Variants in NELL2 observed in about 807,000 individuals in gnomAD.
NELL2 encodes the protein neural EGFL like 2.
Under a neutral mutation model 109.6 loss-of-function variants are expected in NELL2, and 41 were observed. The ratio of observed to expected loss-of-function variants is 0.37; its 90% confidence interval spans 0.29 to 0.49. NELL2 has a LOEUF of 0.49. Ranked by LOEUF, NELL2 falls within the 20% of genes least tolerant of loss-of-function variation. NELL2 has a pLI of 0.98. For synonymous variants in NELL2, 355 were observed against 344.7 expected, an observed-to-expected ratio of 1.03 and a Z score of -0.33; for missense variants, 900 against 1,008.3, an observed-to-expected ratio of 0.89 and a Z score of 1.45.
Position 44,854,798 on chromosome 12 carries a change from CA to C in NELL2, c.184+20426del, listed in dbSNP as rs975753027. Among the ~76,000 whole-genome samples the C allele has an allele frequency of 5.1e-3, 731 of 143,394 alleles. 6 individuals carry two copies. The highest frequency in any genetic ancestry group is 0.017 in the African/African-American group (682 of 39,242). 94.1% of individuals were successfully genotyped at this position (143,394 alleles called of 152,430 possible). Reference sequence around the variant, plus strand: ...TGGACAGATAGAAGGATAGCTATTCCAAAAAAAAAAGTTACTTAAATGTTGG... The same window carrying C: ...TGGACAGATAGAAGGATAGCTATTCCAAAAAAAAAGTTACTTAAATGTTGG... On this transcript the variant is annotated intron_variant, in intron 2 of 19. Coordinates refer to ENST00000429094, the MANE Select transcript of NELL2 (RefSeq NM_001145108.2).
intron 15 of NELL2, among the ~76,000 whole-genome samples, chr12:44,578,614 C>T (rs1017178963): frequency 1.5e-5 from 2 of 137,090 alleles, no homozygotes; most frequent in African/African-American, 5.5e-5. Flanking sequence ...CAAATCTATA[C>T]CTTGCAAATA....
chr12:44,613,555 A>C (rs1039465211), intron 13 of NELL2, among the ~76,000 whole-genome samples: 6 of 152,140 alleles, frequency 3.9e-5, no homozygotes, highest in African/African-American at 1.4e-4. Context: ...TTCAAATATT[A>C]ATTAAGATAT....
At chr12:44,813,271 C>T (rs1190888158) in intron 3 of NELL2, among the ~76,000 whole-genome samples, 1 of 152,082 alleles carries the variant, frequency 6.6e-6, no homozygotes, top group African/African-American at 2.4e-5. Flanking sequence ...ACATGGTAAG[C>T]CTTTAATAAC....
intron 15 of NELL2, among the ~76,000 whole-genome samples, chr12:44,603,372 T>G (rs991295339): frequency 6.6e-6 from 1 of 152,182 alleles, no homozygotes; most frequent in African/African-American, 2.4e-5. Context: ...TTTAGAGTTA[T>G]GCTTTAAATC....
rs1327359017 is a variant in NELL2, at chr12:44,661,364, CTTT to C, written c.1444+4117_1444+4119del. ...GTGTACTTTCTTTCTTGCACTAAAA[CTTT>C]TTAATAAACTTCCACTCCTGCTCTG... On this transcript the variant is annotated intron_variant, in intron 13 of 19. Transcript: ENST00000429094. Among the ~76,000 whole-genome samples the C allele has an allele frequency of 7.2e-5, 11 of 152,322 alleles. No individual in the cohort carries two copies. The East Asian group carries it at 2.1e-3, about 29-fold the overall frequency.
intron 15 of NELL2, among the ~76,000 whole-genome samples, chr12:44,577,465 GTTTTTTTTTTT>G (rs746239984): frequency 8.4e-5 from 7 of 83,464 alleles, no homozygotes; most frequent in African/African-American, 4.2e-4. Context: ...CAGATGAGTA[GTTTTTTTTTTT>G]TTTTTTTTTT....
intron 15 of NELL2, among the ~76,000 whole-genome samples, chr12:44,602,831 G>A (rs1232708945): frequency 6.6e-6 from 1 of 152,038 alleles, no homozygotes; most frequent in African/African-American, 2.4e-5. Context: ...TACCTTTTAT[G>A]ATGAAAAATG....
intron 2 of NELL2, among the ~76,000 whole-genome samples, chr12:44,843,894 C>A (rs753802001): frequency 6.6e-6 from 1 of 152,070 alleles, no homozygotes. Context: ...TGGTGGCTCA[C>A]GCTTGTGGTC....
At chr12:44,644,063 C>A (rs1324767665) in intron 13 of NELL2, among the ~76,000 whole-genome samples, 2 of 152,082 alleles carry the variant, frequency 1.3e-5, no homozygotes, top group Non-Finnish European at 2.9e-5. Context: ...CTCAAACTTA[C>A]AGTTACTACT....
intron 15 of NELL2, among the ~76,000 whole-genome samples, chr12:44,550,969 ACT>A (rs1267750037): frequency 3.3e-5 from 5 of 151,966 alleles, no homozygotes; most frequent in East Asian, 1.9e-4. Flanking sequence ...AGCTAACAAT[ACT>A]CTCTTTTATA....
At chr12:44,748,991 G>C (rs1479684784) in intron 9 of NELL2, among the ~76,000 whole-genome samples, 1 of 152,122 alleles carries the variant, frequency 6.6e-6, no homozygotes, top group Non-Finnish European at 1.5e-5. Flanking sequence ...CTGATACAGA[G>C]ATCTCAGTAT....
intron 9 of NELL2, among the ~76,000 whole-genome samples, chr12:44,768,331 A>AT: frequency 6.6e-6 from 1 of 152,150 alleles, no homozygotes; most frequent in East Asian, 1.9e-4. Context: ...TTTAATTAAG[A>AT]TAAAATTAAT....
At chr12:44,738,158 C>A (rs959506901) in intron 9 of NELL2, among the ~76,000 whole-genome samples, 2 of 152,146 alleles carry the variant, frequency 1.3e-5, no homozygotes, top group Admixed American at 1.3e-4. Context: ...TAGTCTATTG[C>A]CCCTCAGTAA....
intron 10 of NELL2, among the ~76,000 whole-genome samples, 167 bp from the exon 11 acceptor site, chr12:44,711,561 G>A (rs1938205123): frequency 6.6e-6 from 1 of 152,010 alleles, no homozygotes; most frequent in Non-Finnish European, 1.5e-5. Context: ...AATCCCAATT[G>A]GAAAGTCTTT....
chr12:44,812,982 T>C (rs1943227227), intron 3 of NELL2, among the ~76,000 whole-genome samples: 2 of 152,222 alleles, frequency 1.3e-5, no homozygotes, highest in Admixed American at 1.3e-4. Flanking sequence ...TTGTTTTTCT[T>C]ATCTTTGAAA....
chr12:44,776,272 C>CA, intron 7 of NELL2, 122 bp from the exon 8 acceptor site: 2 of 848,520 alleles, frequency 2.4e-6, no homozygotes, highest in South Asian at 5.3e-5. Context: ...GCTTATCAAC[C>CA]ACTTGCCATA....
At chr12:44,556,252 T>C (rs1943249027) in intron 15 of NELL2, among the ~76,000 whole-genome samples, 1 of 152,178 alleles carries the variant, frequency 6.6e-6, no homozygotes, top group Non-Finnish European at 1.5e-5. Flanking sequence ...TGTTGGGCAC[T>C]GTGGATGCAG....
chr12:44,921,100 T>C (rs1455947437), intron 1 of NELL2, among the ~76,000 whole-genome samples: 1 of 152,136 alleles, frequency 6.6e-6, no homozygotes, highest in Non-Finnish European at 1.5e-5. Flanking sequence ...AGAGCACCCA[T>C]GAGAGAGGCT....
Position 44,513,370 on chromosome 12 carries a change from T to C in NELL2, c.2401-4386A>G, listed in dbSNP as rs7966476. Among the ~76,000 whole-genome samples, 714 of 152,034 alleles carry C rather than the reference T, an allele frequency of 4.7e-3. 6 individuals carry two copies. Among genetic ancestry groups the C allele is most frequent in the African/African-American group, 0.016 (668 of 41,528 alleles). On this transcript the variant is annotated intron_variant, in intron 19 of 19. Transcript: ENST00000429094. Reference sequence around the variant, plus strand: ...AACATATCATCCATCATATCCAATATATTATAAAAATTAATAGACGTGAAG... The same window carrying C: ...AACATATCATCCATCATATCCAATACATTATAAAAATTAATAGACGTGAAG...
Sources: allele counts gnomAD v4.1 joint callset (sites outside exome capture counted in the v4.1 genomes callset), GRCh38; gene constraint gnomAD v4.1.1; transcripts MANE v1.5; gene names NCBI Gene and HGNC (gene_info 2026-07-23, HGNC 2026-07-21).